PDE3B: variants seen among roughly 807,000 people sequenced by gnomAD.
PDE3B encodes the protein cGMP-inhibited 3',5'-cyclic phosphodiesterase 3B.
PDE3B carries 66 observed loss-of-function variants against 116.8 expected under a neutral mutation model. The ratio of observed to expected loss-of-function variants is 0.56; its 90% confidence interval spans 0.46 to 0.69. The LOEUF is 0.69. Ranked by LOEUF, PDE3B falls within the 30% of genes least tolerant of loss-of-function variation. The pLI is 0.00. For synonymous variants in PDE3B, 595 were observed against 533.6 expected (o/e 1.12, Z -1.59); for missense variants, 1,384 against 1,368.1 (o/e 1.01, Z -0.18).
chr11:14,691,324 G>C (rs990203826), intron 1 of PDE3B, among the ~76,000 whole-genome samples: 1 of 152,118 alleles, frequency 6.6e-6, no homozygotes, highest in African/African-American at 2.4e-5. Flanking sequence ...TCATGACATA[G>C]TTGGAAGATA....
the PDE3B span, chr11:14,891,143 G>A: frequency 4.1e-6 from 4 of 985,398 alleles, no homozygotes; most frequent in Non-Finnish European, 3.6e-6. Context: ...CCGGACGTCG[G>A]GACACCCACA....
chr11:14,832,945 A>G, intron 10 of PDE3B, 112 bp downstream of exon 10: 1 of 559,450 alleles, frequency 1.8e-6, no homozygotes, highest in Non-Finnish European at 3.2e-6. Context: ...GCTTGTTTGA[A>G]ATTTTCTTTT....
the PDE3B span, chr11:14,877,895 AC>A: frequency 1.9e-6 from 1 of 517,494 alleles, no homozygotes. Flanking sequence ...CATCATTTGC[AC>A]CTTTGTGTCT....
At chr11:14,690,923 T>A (rs1306619623) in intron 1 of PDE3B, among the ~76,000 whole-genome samples, 1 of 152,152 alleles carries the variant, frequency 6.6e-6, no homozygotes, top group Non-Finnish European at 1.5e-5. Context: ...CAGGGAAGTT[T>A]TTTTGTATGT....
the PDE3B span, chr11:14,877,604 A>C: frequency 6.6e-6 from 1 of 152,626 alleles, no homozygotes; most frequent in Admixed American, 6.5e-5. Flanking sequence ...CTCTACATTA[A>C]ATACATATTT....
intron 2 of PDE3B, among the ~76,000 whole-genome samples, chr11:14,780,203 C>A (rs1346472436): frequency 6.6e-6 from 1 of 152,134 alleles, no homozygotes; most frequent in Non-Finnish European, 1.5e-5. Flanking sequence ...TAGACTCCCA[C>A]ACAATAATAA....
intron 1 of PDE3B, among the ~76,000 whole-genome samples, chr11:14,755,502 G>T (rs1857160721): frequency 6.6e-6 from 1 of 152,102 alleles, no homozygotes; most frequent in Non-Finnish European, 1.5e-5. Context: ...CTGTGGACTG[G>T]TATCAATATT....
intron 1 of PDE3B, among the ~76,000 whole-genome samples, chr11:14,660,285 T>C (rs1310880411): frequency 2.0e-5 from 3 of 151,632 alleles, no homozygotes; most frequent in South Asian, 4.2e-4. Context: ...ATATTCCTTA[T>C]ATTATTGCTT....
the PDE3B span, chr11:14,880,805 TTC>T: frequency 6.4e-7 from 1 of 1,555,288 alleles, no homozygotes; most frequent in Non-Finnish European, 8.6e-7. Flanking sequence ...TAATTCCTAC[TTC>T]TCTGTATCTA....
chr11:14,769,795 AT>A (rs565891950), intron 1 of PDE3B, among the ~76,000 whole-genome samples: 18,136 of 133,832 alleles, frequency 0.14, 1,246 homozygotes, highest in African/African-American at 0.23. Flanking sequence ...AATTTTCAAG[AT>A]TTTTTTTTTT....
At chr11:14,709,901 T>C (rs1399425395) in intron 1 of PDE3B, among the ~76,000 whole-genome samples, 1 of 152,224 alleles carries the variant, frequency 6.6e-6, no homozygotes, top group African/African-American at 2.4e-5. Flanking sequence ...ATGTTCTTAA[T>C]TGTATTATTC....
chr11:14,674,685 A>G (rs1290516007), intron 1 of PDE3B: 3 of 209,798 alleles, frequency 1.4e-5, no homozygotes, highest in African/African-American at 4.7e-5. Flanking sequence ...TGAGGGTAAC[A>G]ACTAATTAAT....
At chr11:14,693,175 A>C (rs1319490315) in intron 1 of PDE3B, among the ~76,000 whole-genome samples, 1 of 152,218 alleles carries the variant, frequency 6.6e-6, no homozygotes, top group Non-Finnish European at 1.5e-5. Context: ...AGGAAGCTGC[A>C]GGAGAAAAGT....
At chr11:14,848,100 G>A (rs1472334523) in intron 12 of PDE3B, among the ~76,000 whole-genome samples, 1 of 144,840 alleles carries the variant, frequency 6.9e-6, no homozygotes, top group Admixed American at 7.0e-5. Flanking sequence ...TAAAATACTG[G>A]CAAACCGAAT....
At chr11:14,669,988 A>T (rs1590048854) in intron 1 of PDE3B, among the ~76,000 whole-genome samples, 1 of 152,132 alleles carries the variant, frequency 6.6e-6, no homozygotes, top group Admixed American at 6.5e-5. Flanking sequence ...TTGTATTATA[A>T]ATGTTTTTAT....
intron 4 of PDE3B, among the ~76,000 whole-genome samples, chr11:14,790,972 A>C (rs969760720): frequency 6.6e-6 from 1 of 152,098 alleles, no homozygotes; most frequent in Non-Finnish European, 1.5e-5. Context: ...TGCACTGTCT[A>C]ATATGGTACT....
intron 4 of PDE3B, among the ~76,000 whole-genome samples, chr11:14,794,653 G>T (rs762300905): frequency 6.6e-6 from 1 of 152,064 alleles, no homozygotes; most frequent in Non-Finnish European, 1.5e-5. Flanking sequence ...TGGAGATAGC[G>T]TCAGATCATA....
chr11:14,824,437 A>C (rs1328131039), intron 7 of PDE3B, among the ~76,000 whole-genome samples: 1 of 152,226 alleles, frequency 6.6e-6, no homozygotes, highest in Non-Finnish European at 1.5e-5. Context: ...AGCCAGTATG[A>C]AAAGGAACCT....
chr11:14,884,472 A>G, the PDE3B span, among the ~76,000 whole-genome samples: 8 of 147,194 alleles, frequency 5.4e-5, no homozygotes, highest in East Asian at 1.6e-3. Flanking sequence ...CATAGGTGGG[A>G]ACTGAACAAT....
Sources: allele counts gnomAD v4.1 joint callset (sites outside exome capture counted in the v4.1 genomes callset), GRCh38; gene constraint gnomAD v4.1.1; transcripts MANE v1.5; gene names NCBI Gene and HGNC (gene_info 2026-07-23, HGNC 2026-07-21).